The following BTBD9 variants were observed in gnomAD, a reference collection of about 807,000 sequenced individuals.
The protein encoded by BTBD9 is BTB/POZ domain-containing protein 9.
BTBD9 carries 49 observed loss-of-function variants against 64.3 expected under a neutral mutation model. The ratio of observed to expected loss-of-function variants is 0.76; its 90% CI spans 0.61 to 0.97. BTBD9 has a LOEUF of 0.97. BTBD9 is among the 50% of genes least tolerant of loss of function. The pLI, the probability that BTBD9 is intolerant of heterozygous loss-of-function variation, is 0.00. For missense variants in BTBD9, 598 were observed against 762.1 expected (o/e 0.78, Z 2.53); for synonymous variants, 260 against 274.7 (o/e 0.95, Z 0.53).
intron 1 of BTBD9, among the ~76,000 whole-genome samples, chr6:38,610,724 T>C (rs150497185): frequency 1.3e-5 from 2 of 152,300 alleles, no homozygotes; most frequent in African/African-American, 4.8e-5. Flanking sequence ...TCTAAAACTG[T>C]AACAAAATCA....
chr6:38,580,292 G>C lies in BTBD9; in HGVS notation c.960C>G (p.Ser320=). Residue 320 remains serine (S), a synonymous_variant, in exon 5 of 11, where the codon TCC becomes TCG. Transcript: ENST00000481247. ...SRHPIDDDCR[S]GIEIKLGQPS... is the part of the protein sequence containing the mutation. ...GCTGACCTAGCTTAATCTCGATGCC[G>C]GAACGGCAGTCATCATCAATTGGGT... 7.4e-6 allele frequency: 12 copies of C among 1,614,126 alleles called. No homozygotes were observed. Among genetic ancestry groups the C allele is most frequent in the Non-Finnish European group, 9.3e-6 (11 of 1,180,022 alleles).
chr6:38,210,976 C>A (rs982935285), intron 9 of BTBD9, among the ~76,000 whole-genome samples: 4 of 152,202 alleles, frequency 2.6e-5, no homozygotes, highest in African/African-American at 9.6e-5. Context: ...CTCGGCCTAA[C>A]AGCTCCCCTC....
intron 9 of BTBD9, among the ~76,000 whole-genome samples, chr6:38,237,029 C>T (rs537891149): frequency 6.6e-6 from 1 of 152,358 alleles, no homozygotes; most frequent in Non-Finnish European, 1.5e-5. Flanking sequence ...TTTTCCTACA[C>T]CTCACTGCTC....
chr6:38,532,554 C>T (rs1201109263), intron 6 of BTBD9, among the ~76,000 whole-genome samples: 2 of 152,080 alleles, frequency 1.3e-5, no homozygotes, highest in Non-Finnish European at 2.9e-5. Context: ...GGAAAGGGTA[C>T]CATAAAGAGG....
intron 4 of BTBD9, 146 bp from the exon 5 acceptor site, chr6:38,580,583 A>C (rs753749222): frequency 5.6e-6 from 4 of 711,888 alleles, no homozygotes; most frequent in Non-Finnish European, 9.2e-6. Flanking sequence ...GAAAATACAG[A>C]ACATCTATGA....
At position 38,588,318 on chromosome 6, in the gene BTBD9, T is replaced by G. The variant is rs1490051075; in HGVS notation, c.814+4258A>C. On this transcript the variant is annotated intron_variant, in intron 4 of 10. Transcript: ENST00000481247. ...AGGCAAGCAATTATCCTGCACAAATTTATACTACCCAAACTTTTCAGCCTA... is the reference window on the plus strand; with the variant it reads ...AGGCAAGCAATTATCCTGCACAAATGTATACTACCCAAACTTTTCAGCCTA... The G allele has an allele frequency of 3.0e-6, 3 of 1,003,884 alleles. No individual in the cohort carries two copies. The African/African-American group carries it at 4.7e-5, about 16-fold the overall frequency. 62.2% of individuals were successfully genotyped at this position (1,003,884 alleles called of 1,614,324 possible).
chr6:38,511,467 C>T (rs1772770655), intron 6 of BTBD9, among the ~76,000 whole-genome samples: 2 of 151,706 alleles, frequency 1.3e-5, no homozygotes, highest in South Asian at 2.1e-4. Flanking sequence ...CTCAGCCTCC[C>T]GAGTAGCTGG....
At chr6:38,527,907 G>A (rs1190020494) in intron 6 of BTBD9, among the ~76,000 whole-genome samples, 3 of 151,536 alleles carry the variant, frequency 2.0e-5, no homozygotes, top group African/African-American at 7.3e-5. Context: ...CCTCCAGCAA[G>A]AACACCAAAT....
chr6:38,334,629 AAATAAAT>A (rs1763818780), intron 7 of BTBD9, among the ~76,000 whole-genome samples: 1 of 132,970 alleles, frequency 7.5e-6, no homozygotes, highest in Non-Finnish European at 1.5e-5. Flanking sequence ...ACATAACATA[AAATAAAT>A]AAAATAATAA....
chr6:38,436,881 G>A (rs1187572739), intron 6 of BTBD9, among the ~76,000 whole-genome samples: 1 of 152,202 alleles, frequency 6.6e-6, no homozygotes, highest in East Asian at 1.9e-4. Flanking sequence ...TAAACAGGAA[G>A]TGCTATAAAT....
At chr6:38,564,202 C>T (rs879861950) in intron 6 of BTBD9, among the ~76,000 whole-genome samples, 6 of 152,160 alleles carry the variant, frequency 3.9e-5, no homozygotes, top group Non-Finnish European at 8.8e-5. Context: ...TTGTGCTTTT[C>T]TCTCTCCACA....
At chr6:38,203,527 G>T (rs1183346393) in intron 9 of BTBD9, among the ~76,000 whole-genome samples, 1 of 152,148 alleles carries the variant, frequency 6.6e-6, no homozygotes, top group African/African-American at 2.4e-5. Flanking sequence ...TAAGGGTAAA[G>T]AAAATGTGGT....
intron 8 of BTBD9, among the ~76,000 whole-genome samples, chr6:38,261,673 C>T (rs1764799375): frequency 6.6e-6 from 1 of 152,182 alleles, no homozygotes; most frequent in Non-Finnish European, 1.5e-5. Context: ...TTTTATTAGC[C>T]TAGTCTATCG....
Position 38,594,225 on chromosome 6 carries a change from G to A in BTBD9, c.288C>T (p.Tyr96=). 1.9e-6 allele frequency: 3 copies of A among 1,614,212 alleles called. No individual in the cohort carries two copies. Among genetic ancestry groups the A allele is most frequent in the Non-Finnish European group, 2.5e-6 (3 of 1,180,044 alleles). The change falls in exon 3 of 11, where the codon TAC becomes TAT. Residue 96 remains tyrosine, a synonymous_variant. Transcript: ENST00000481247. The stretch of plus-strand genomic sequence containing the variant: ...CATCTGTCAGCGTTGCCCGCCCAGT[G>A]TAGATATATTTGAGTAGCATTGTGA... The part of the protein sequence containing the change: ...EAFTMLLKYI[Y]TGRATLTDEK...
chr6:38,487,612 AG>A (rs1771514989), intron 6 of BTBD9, among the ~76,000 whole-genome samples: 3 of 150,522 alleles, frequency 2.0e-5, no homozygotes, highest in Admixed American at 1.3e-4. Context: ...AGAGAGAGAG[AG>A]AGAGAGAGAG....
chr6:38,269,096 G>C (rs1037801301), intron 8 of BTBD9, among the ~76,000 whole-genome samples: 1 of 152,126 alleles, frequency 6.6e-6, no homozygotes, highest in African/African-American at 2.4e-5. Flanking sequence ...TAAACACTTA[G>C]AATAAGTACA....
At chr6:38,335,789 A>G (rs1763870067) in intron 7 of BTBD9, among the ~76,000 whole-genome samples, 1 of 152,272 alleles carries the variant, frequency 6.6e-6, no homozygotes, top group Admixed American at 6.5e-5. Flanking sequence ...GCTGGAGTGC[A>G]GTGGCACAAT....
chr6:38,327,565 CT>C, intron 7 of BTBD9, among the ~76,000 whole-genome samples: 2 of 152,342 alleles, frequency 1.3e-5, no homozygotes. Flanking sequence ...TTTTCAACAT[CT>C]TTCCTGAGAC....
At chr6:38,487,989 T>C (rs928463251) in intron 6 of BTBD9, among the ~76,000 whole-genome samples, 2 of 152,202 alleles carry the variant, frequency 1.3e-5, no homozygotes, top group Non-Finnish European at 2.9e-5. Flanking sequence ...ATAGGTGTAA[T>C]AGAGAATAAA....
Sources: allele counts gnomAD v4.1 joint callset (sites outside exome capture counted in the v4.1 genomes callset), GRCh38; gene constraint gnomAD v4.1.1; transcripts MANE v1.5; gene names NCBI Gene and HGNC (gene_info 2026-07-23, HGNC 2026-07-21).